Variants in TMEM263 observed in about 807,000 individuals in gnomAD.
TMEM263 encodes the protein transmembrane protein 263, also known as UPF0444 transmembrane protein C12orf23.
A neutral mutation model predicts 8.6 loss-of-function variants in TMEM263; 5 were observed. The observed-to-expected ratio is 0.58, with a 90% CI of 0.31 to 1.23. TMEM263 has a LOEUF of 1.23. Ranked by LOEUF, TMEM263 falls within the 50% of genes most tolerant of loss-of-function variation. The probability of loss-of-function intolerance (pLI) is 0.07; values close to 1 mark genes in which losing one functional copy is unlikely to be tolerated. For missense variants in TMEM263, 104 were observed against 138.8 expected, an observed-to-expected ratio of 0.75 and a Z score of 1.26; for synonymous variants, 50 against 47.9, an observed-to-expected ratio of 1.04 and a Z score of -0.18.
chr12:106,968,375 C>T (rs77339744), intron 3 of TMEM263, among the ~76,000 whole-genome samples: 1 of 128,850 alleles, frequency 7.8e-6, no homozygotes, highest in African/African-American at 3.0e-5. Flanking sequence ...GACTCCGTCT[C>T]AAAAAAAAAA....
At chr12:106,964,120 AAATT>A (rs1951814782) in intron 2 of TMEM263, among the ~76,000 whole-genome samples, 1 of 152,164 alleles carries the variant, frequency 6.6e-6, no homozygotes. Context: ...TGTCCTCTTG[AAATT>A]AATTGTCCAG....
chr12:106,958,747 C>T (rs1329663360), intron 2 of TMEM263, among the ~76,000 whole-genome samples: 1 of 152,160 alleles, frequency 6.6e-6, no homozygotes, highest in Non-Finnish European at 1.5e-5. Context: ...TATTGTCTGT[C>T]ATTACTACTT....
intron 2 of TMEM263, among the ~76,000 whole-genome samples, 157 bp downstream of exon 2, chr12:106,957,306 C>T (rs1951712572): frequency 1.3e-5 from 2 of 152,180 alleles, no homozygotes; most frequent in Non-Finnish European, 2.9e-5. Context: ...TTGCTTTTTC[C>T]ACTTTCATTT....
intron 2 of TMEM263, among the ~76,000 whole-genome samples, chr12:106,958,354 C>G (rs1188746650): frequency 6.6e-6 from 1 of 152,068 alleles, no homozygotes; most frequent in Non-Finnish European, 1.5e-5. Context: ...AACCCACAAA[C>G]AAGATTGATT....
At chr12:106,956,740 A>C (rs1231919081) in intron 1 of TMEM263, 1 of 152,332 alleles carries the variant, frequency 6.6e-6, no homozygotes, top group Admixed American at 6.5e-5. Flanking sequence ...GCCTGTCCTA[A>C]ACCCTTCTTA....
intron 2 of TMEM263, among the ~76,000 whole-genome samples, chr12:106,963,943 A>G (rs1180828552): frequency 1.3e-5 from 2 of 152,180 alleles, no homozygotes; most frequent in Non-Finnish European, 2.9e-5. Context: ...AACTCCAGTT[A>G]AAATATGTAA....
chr12:106,971,324 C>A lies in TMEM263; in HGVS notation c.284C>A (p.Thr95Lys). 2 of 1,614,132 alleles carry A rather than the reference C, an allele frequency of 1.2e-6. No individual in the cohort carries two copies. Among genetic ancestry groups the A allele is most frequent in the Non-Finnish European group, 1.7e-6 (2 of 1,180,032 alleles). Residue 95 changes from threonine (T) to lysine (K), a missense_variant, in exon 4 of 4, where the codon ACA (threonine) becomes AAA (lysine). By Grantham distance (78) the Thr-to-Lys change is moderately conservative. Coordinates refer to ENST00000280756, the MANE Select transcript of TMEM263 (RefSeq NM_152261.4). ...GGVSAVAGGV[T>K]AVGSAVVNKV... ...GTCTCTGCTGTGGCTGGAGGTGTTA[C>A]AGCTGTTGGGTCTGCTGTTGTAAAC...
chr12:106,960,025 A>G (rs1182594992), intron 2 of TMEM263, among the ~76,000 whole-genome samples: 1 of 152,116 alleles, frequency 6.6e-6, no homozygotes, highest in Non-Finnish European at 1.5e-5. Context: ...ATGCCCAAAC[A>G]TCAAAACAAA....
intron 1 of TMEM263, among the ~76,000 whole-genome samples, chr12:106,956,565 T>C (rs1487920115): frequency 6.6e-6 from 1 of 152,002 alleles, no homozygotes; most frequent in African/African-American, 2.4e-5. Flanking sequence ...ACGCCTAACC[T>C]AAAGTAAAAG....
chr12:106,968,370 C>T (rs569063197), intron 3 of TMEM263, among the ~76,000 whole-genome samples: 4 of 139,904 alleles, frequency 2.9e-5, no homozygotes, highest in Middle Eastern at 3.5e-3. Context: ...AGTGAGACTC[C>T]GTCTCAAAAA....
intron 3 of TMEM263, 41 bp downstream of exon 3, chr12:106,967,221 T>A: frequency 8.7e-7 from 1 of 1,147,292 alleles, no homozygotes; most frequent in Non-Finnish European, 1.3e-6. Flanking sequence ...AAAAATATAC[T>A]GAATTAAAGT....
intron 2 of TMEM263, among the ~76,000 whole-genome samples, chr12:106,966,314 T>C (rs1951846865): frequency 6.6e-6 from 1 of 152,250 alleles, no homozygotes; most frequent in South Asian, 2.1e-4. Flanking sequence ...GCAAAGGACA[T>C]GATCTCATTC....
chr12:106,956,163 T>G, intron 1 of TMEM263, 98 bp downstream of exon 1: 1 of 584,542 alleles, frequency 1.7e-6, no homozygotes. Context: ...CACCTCCCAG[T>G]GCCCGGCCTG....
At position 106,970,785 on chromosome 12, in the gene TMEM263, T is replaced by C. The variant is rs1951909372; in HGVS notation, c.65-320T>C. 2.6e-5 allele frequency among the ~76,000 whole-genome samples: 4 copies of C among 152,340 alleles called. No individual in the cohort carries two copies. The South Asian group carries it at 8.3e-4, about 32-fold the overall frequency. On this transcript the variant is annotated intron_variant, in intron 3 of 3. Coordinates refer to ENST00000280756, the MANE Select transcript of TMEM263 (RefSeq NM_152261.4). ...TTATTTTTTCATGTTCCTTTTAGGA[T>C]GTAAAATAAAGGTTATTTGTTAACA...
At chr12:106,963,850 T>G (rs1325266767) in intron 2 of TMEM263, among the ~76,000 whole-genome samples, 1 of 152,208 alleles carries the variant, frequency 6.6e-6, no homozygotes, top group East Asian at 1.9e-4. Flanking sequence ...AAGGTAAGAC[T>G]GTTGGTAGGG....
rs1383834876 is a variant in TMEM263, at chr12:106,971,807, A to G, written c.*416A>G. On this transcript the variant is annotated 3_prime_UTR_variant, in exon 4 of 4. Coordinates refer to ENST00000280756, the MANE Select transcript of TMEM263 (RefSeq NM_152261.4). ...CATAAGCCGTACCTTTGATGTGCCT[A>G]ATAGTTTCAGATGTCTTAGTTTTTT... 6.4e-6 allele frequency: 1 copy of G among 155,630 alleles called. No homozygotes were observed. Among genetic ancestry groups the G allele is most frequent in the Non-Finnish European group, 1.4e-5 (1 of 70,284 alleles). The allele number at this position is 155,630 out of a possible 1,614,324, so 9.6% of individuals were successfully genotyped here.
chr12:106,965,113 C>T (rs1951827360), intron 2 of TMEM263, among the ~76,000 whole-genome samples: 1 of 152,204 alleles, frequency 6.6e-6, no homozygotes, highest in African/African-American at 2.4e-5. Flanking sequence ...TCTCCTACTG[C>T]CCTTGATGCG....
chr12:106,962,875 T>C (rs1024955306), intron 2 of TMEM263, among the ~76,000 whole-genome samples: 1 of 152,208 alleles, frequency 6.6e-6, no homozygotes. Flanking sequence ...AGTATATGAG[T>C]GTCAACCATG....
Position 106,961,224 on chromosome 12 carries a change from ATTTTTTTTTTTTTTTTTTTT to A in TMEM263, c.-7+4092_-7+4111del, listed in dbSNP as rs554707654. ...AGGCGTGCACCACCGTGCCCAGTCA[ATTTTTTTTTTTTTTTTTTTT>A]TTTTTTTTTTTTTTTTGTGGAGACG... On this transcript the variant is annotated intron_variant, in intron 2 of 3. Transcript: ENST00000280756. Among the ~76,000 whole-genome samples, 672 of 75,170 alleles carry A rather than the reference ATTTTTTTTTTTTTTTTTTTT, an allele frequency of 8.9e-3. 3 individuals are homozygous for A. The highest frequency in any genetic ancestry group is 0.04 in the South Asian group (90 of 2,276). The allele number at this position is 75,170 out of a possible 152,430, so 49.3% of individuals were successfully genotyped here.
Sources: gnomAD v4.1 joint callset for allele counts (sites outside exome capture counted in the v4.1 genomes callset) on GRCh38, gnomAD v4.1.1 for gene constraint, MANE v1.5 for transcripts, NCBI Gene and HGNC (gene_info 2026-07-23, HGNC 2026-07-21) for gene names.